LRRC7: variants seen among roughly 807,000 people sequenced by gnomAD.
The protein encoded by LRRC7 is leucine rich repeat containing 7, also known as leucine-rich repeat-containing protein 7.
A neutral mutation model predicts 175.7 loss-of-function variants in LRRC7; 23 were observed. That is an observed-to-expected ratio of 0.13 (90% confidence interval 0.09 to 0.19). LRRC7 has a LOEUF of 0.19. LRRC7 is among the 10% of genes least tolerant of loss of function. The pLI is 1.00. For missense variants in LRRC7, 1,354 were observed against 1,904.7 expected (o/e 0.71, Z 5.38); for synonymous variants, 685 against 680.9 (o/e 1.01, Z -0.09).
At chr1:69,722,461 T>C (rs988067010) in intron 2 of LRRC7, among the ~76,000 whole-genome samples, 2 of 152,052 alleles carry the variant, frequency 1.3e-5, no homozygotes, top group African/African-American at 4.8e-5. Flanking sequence ...GATTTTATAA[T>C]GTTGCCTTGC....
chr1:69,723,289 C>T (rs557077602), intron 2 of LRRC7, among the ~76,000 whole-genome samples: 6 of 152,182 alleles, frequency 3.9e-5, no homozygotes, highest in Middle Eastern at 3.4e-3. Flanking sequence ...TGACTTCATA[C>T]GTTTTTTATA....
At chr1:69,769,021 T>C (rs1365847731) in intron 3 of LRRC7, among the ~76,000 whole-genome samples, 1 of 152,196 alleles carries the variant, frequency 6.6e-6, no homozygotes, top group Non-Finnish European at 1.5e-5. Context: ...GATTCACTAG[T>C]ATAAGCTTCT....
At chr1:69,793,856 T>C (rs1675411132) in intron 4 of LRRC7, among the ~76,000 whole-genome samples, 2 of 152,104 alleles carry the variant, frequency 1.3e-5, no homozygotes, top group African/African-American at 2.4e-5. Context: ...TTCCAAAACA[T>C]GGAAAACTTG....
At chr1:69,880,860 T>C (rs1164451396) in intron 7 of LRRC7, among the ~76,000 whole-genome samples, 1 of 152,050 alleles carries the variant, frequency 6.6e-6, no homozygotes, top group African/African-American at 2.4e-5. Context: ...AAAAGTATTT[T>C]CCAGAAAAAA....
intron 26 of LRRC7, among the ~76,000 whole-genome samples, chr1:70,120,138 A>T (rs1317048764): frequency 6.6e-6 from 1 of 152,080 alleles, no homozygotes; most frequent in Non-Finnish European, 1.5e-5. Flanking sequence ...ATCAGAAATA[A>T]CATCAAATGT....
chr1:69,753,062 G>A (rs1181346313), intron 2 of LRRC7, among the ~76,000 whole-genome samples: 2 of 152,066 alleles, frequency 1.3e-5, no homozygotes, highest in Admixed American at 1.3e-4. Context: ...CATGTTTCAG[G>A]AAAATGTGGA....
At chr1:69,596,234 T>A (rs1480715222) in intron 1 of LRRC7, among the ~76,000 whole-genome samples, 1 of 152,146 alleles carries the variant, frequency 6.6e-6, no homozygotes, top group East Asian at 1.9e-4. Flanking sequence ...GTCACTACCC[T>A]TTTTGGATAA....
intron 1 of LRRC7, among the ~76,000 whole-genome samples, chr1:69,569,034 G>A (rs2100865966): frequency 6.6e-6 from 1 of 151,610 alleles, no homozygotes; most frequent in African/African-American, 2.4e-5. Context: ...TTTCCCAGAG[G>A]TGTCTGAGGG....
intron 8 of LRRC7, among the ~76,000 whole-genome samples, chr1:69,933,635 A>G (rs17097466): frequency 0.048 from 7,280 of 152,216 alleles, 217 homozygotes; most frequent in East Asian, 0.15. Flanking sequence ...TTCATGCAAG[A>G]TAATCTACAA....
chr1:69,629,427 A>T (rs1164870645), intron 1 of LRRC7, among the ~76,000 whole-genome samples: 1 of 152,146 alleles, frequency 6.6e-6, no homozygotes, highest in Non-Finnish European at 1.5e-5. Context: ...ATCGAGGAGT[A>T]TATTATGCCT....
chr1:69,876,294 A>G (rs879380212), intron 7 of LRRC7, among the ~76,000 whole-genome samples: 3 of 152,130 alleles, frequency 2.0e-5, no homozygotes, highest in Non-Finnish European at 4.4e-5. Context: ...GCAGATCTAA[A>G]TTTTGTCACC....
intron 1 of LRRC7, among the ~76,000 whole-genome samples, chr1:69,660,516 T>C (rs1657300745): frequency 6.6e-6 from 1 of 152,042 alleles, no homozygotes; most frequent in African/African-American, 2.4e-5. Context: ...AAAGAAAAAG[T>C]ACAGCCTGGT....
At chr1:69,818,915 A>T (rs978810969) in intron 4 of LRRC7, among the ~76,000 whole-genome samples, 1 of 152,050 alleles carries the variant, frequency 6.6e-6, no homozygotes, top group Non-Finnish European at 1.5e-5. Flanking sequence ...CATGATTTGT[A>T]TATCTGTAGT....
At chr1:69,888,474 C>T (rs1645724941) in intron 7 of LRRC7, among the ~76,000 whole-genome samples, 2 of 152,288 alleles carry the variant, frequency 1.3e-5, no homozygotes, top group East Asian at 1.9e-4. Context: ...CCTGCTTTGG[C>T]TCGCGCACGG....
Position 70,121,967 on chromosome 1 carries a change from C to A in LRRC7, c.*80C>A. The A allele has an allele frequency of 1.0e-6, 1 of 977,076 alleles. No individual in the cohort carries two copies. Among genetic ancestry groups the A allele is most frequent in the Non-Finnish European group, 1.6e-6 (1 of 629,866 alleles). The allele number at this position is 977,076 out of a possible 1,614,324, so 60.5% of individuals were successfully genotyped here. On this transcript the variant is annotated 3_prime_UTR_variant, in exon 27 of 27. Coordinates refer to ENST00000651989, the MANE Select transcript of LRRC7 (RefSeq NM_001370785.2). ...AATTTATACATAGAAACAAATTTTG[C>A]CAATTGCTGGACCAATGGCAAACAT...
intron 10 of LRRC7, among the ~76,000 whole-genome samples, chr1:69,990,183 A>T (rs1478067223): frequency 6.6e-6 from 1 of 152,124 alleles, no homozygotes; most frequent in East Asian, 1.9e-4. Flanking sequence ...TACCAAATTT[A>T]CCAACTTAAT....
chr1:70,052,077 A>G (rs1660791252), intron 22 of LRRC7, among the ~76,000 whole-genome samples: 1 of 152,092 alleles, frequency 6.6e-6, no homozygotes, highest in African/African-American at 2.4e-5. Flanking sequence ...AAAATGGCAT[A>G]GGAAACACTG....
intron 1 of LRRC7, among the ~76,000 whole-genome samples, chr1:69,649,159 C>T (rs1655417568): frequency 6.6e-6 from 1 of 152,224 alleles, no homozygotes; most frequent in Admixed American, 6.5e-5. Flanking sequence ...TACCTGGCTT[C>T]ACCACTCACC....
chr1:69,656,695 A>G (rs1390741060), intron 1 of LRRC7, among the ~76,000 whole-genome samples: 1 of 151,954 alleles, frequency 6.6e-6, no homozygotes, highest in Non-Finnish European at 1.5e-5. Context: ...AACCACTTTA[A>G]TTGACATTGA....
Sources: allele counts gnomAD v4.1 joint callset (sites outside exome capture counted in the v4.1 genomes callset), GRCh38; gene constraint gnomAD v4.1.1; transcripts MANE v1.5; gene names NCBI Gene and HGNC (gene_info 2026-07-23, HGNC 2026-07-21).